The following ANXA8 variants were observed in gnomAD, a reference collection of about 807,000 sequenced individuals.
The protein encoded by ANXA8 is annexin A8.
A neutral mutation model predicts 26.8 loss-of-function variants in ANXA8; 9 were observed. The ratio of observed to expected loss-of-function variants is 0.34; its 90% CI spans 0.20 to 0.59. The LOEUF is 0.59. ANXA8 is among the 20% of genes least tolerant of loss of function. The probability of loss-of-function intolerance (pLI) is 0.84; values close to 1 mark genes in which losing one functional copy is unlikely to be tolerated. For synonymous variants in ANXA8, 39 were observed against 94.8 expected (o/e 0.41, Z 3.42); for missense variants, 83 against 238.5 (o/e 0.35, Z 4.29).
chr10:47,557,008 T>C, the ANXA8 span, among the ~76,000 whole-genome samples: 3 of 132,984 alleles, frequency 2.3e-5, no homozygotes, highest in East Asian at 2.3e-4. Context: ...TCTTTCTTTT[T>C]TTTTTTTTTT....
chr10:47,694,076 ATC>A, the ANXA8 span, among the ~76,000 whole-genome samples: 1 of 151,608 alleles, frequency 6.6e-6, no homozygotes, highest in Non-Finnish European at 1.5e-5. Flanking sequence ...CAACTCTGCA[ATC>A]TCTGTATTTT....
At chr10:47,476,470 T>C in intron 4 of ANXA8, 148 bp from the exon 5 acceptor site, 1 of 1,278,984 alleles carries the variant, frequency 7.8e-7, no homozygotes, top group Admixed American at 2.3e-5. Flanking sequence ...GAAAATCACA[T>C]GCTTCAGTGA....
At chr10:47,969,891 C>G in the ANXA8 span, among the ~76,000 whole-genome samples, 6 of 151,318 alleles carry the variant, frequency 4.0e-5, no homozygotes, top group African/African-American at 1.4e-4. Context: ...TCTCATGAAC[C>G]TTGTCTTCCA....
the ANXA8 span, among the ~76,000 whole-genome samples, chr10:47,529,136 G>T: frequency 6.9e-6 from 1 of 144,454 alleles, no homozygotes; most frequent in South Asian, 2.2e-4. Flanking sequence ...AAAGATTAGG[G>T]ATGTTTCAGC....
At chr10:47,771,583 TG>T in the ANXA8 span, among the ~76,000 whole-genome samples, 1 of 151,642 alleles carries the variant, frequency 6.6e-6, no homozygotes, top group South Asian at 2.1e-4. Context: ...TTTTTGTTGT[TG>T]TTGTTGTTGT....
At chr10:47,959,254 G>GT in the ANXA8 span, among the ~76,000 whole-genome samples, 5 of 147,212 alleles carry the variant, frequency 3.4e-5, no homozygotes, top group Non-Finnish European at 7.4e-5. Context: ...CTTAATGCTG[G>GT]TTGCATGACC....
At chr10:47,500,900 AT>A in the ANXA8 span, among the ~76,000 whole-genome samples, 11 of 109,094 alleles carry the variant, frequency 1.0e-4, no homozygotes, top group South Asian at 6.5e-4. Flanking sequence ...CGCCCAGCTA[AT>A]TTTTTTTTTT....
At chr10:47,750,233 G>A in the ANXA8 span, among the ~76,000 whole-genome samples, 1 of 150,692 alleles carries the variant, frequency 6.6e-6, no homozygotes, top group South Asian at 2.1e-4. Flanking sequence ...CACAACTGCA[G>A]AATGCACATT....
At chr10:47,939,303 C>CA in the ANXA8 span, among the ~76,000 whole-genome samples, 32,655 of 81,044 alleles carry the variant, frequency 0.4, 6,409 homozygotes, top group Non-Finnish European at 0.47. Context: ...AACTCTGTCT[C>CA]AAAAAAAAAA....
chr10:47,733,199 T>TTCTCTCTCTCTCTCTC, the ANXA8 span, among the ~76,000 whole-genome samples: 1 of 112,472 alleles, frequency 8.9e-6, no homozygotes, highest in African/African-American at 3.2e-5. Context: ...CTTTCTTTCT[T>TTCTCTCTCTCTCTCTC]TCTTTCTTTC....
chr10:47,637,394 A>G, the ANXA8 span, among the ~76,000 whole-genome samples: 1 of 150,038 alleles, frequency 6.7e-6, no homozygotes, highest in Non-Finnish European at 1.5e-5. Flanking sequence ...CTGCACTAAC[A>G]AATGGCAGCC....
chr10:47,977,433 T>A, the ANXA8 span, among the ~76,000 whole-genome samples: 1 of 151,130 alleles, frequency 6.6e-6, no homozygotes, highest in African/African-American at 2.4e-5. Context: ...ATGTGTGACC[T>A]ATTCACAGGG....
In ANXA8 at chr10:47,468,832, T is replaced by G; in HGVS notation, c.*15A>C. ...GACTCTGGCTTCATGGTCTTTGCTC[T>G]TGTTCTTCTGTGCCTCAGGGGTCGC... On this transcript the variant is annotated 3_prime_UTR_variant, in exon 12 of 12. Coordinates refer to ENST00000585281, the MANE Select transcript of ANXA8 (RefSeq NM_001040084.3). 1 of 1,609,988 alleles carries G rather than the reference T, an allele frequency of 6.2e-7. No individual in the cohort carries two copies.
At chr10:47,633,807 C>T in the ANXA8 span, among the ~76,000 whole-genome samples, 2 of 150,278 alleles carry the variant, frequency 1.3e-5, no homozygotes, top group Non-Finnish European at 2.9e-5. Flanking sequence ...GATCCTACCC[C>T]CTGACATCCC....
At chr10:47,755,244 C>T in the ANXA8 span, among the ~76,000 whole-genome samples, 5 of 151,160 alleles carry the variant, frequency 3.3e-5, no homozygotes, top group South Asian at 2.1e-4. Context: ...CGTGAGCCAC[C>T]GCACCCAGCC....
At chr10:47,730,673 A>G in the ANXA8 span, among the ~76,000 whole-genome samples, 6 of 150,204 alleles carry the variant, frequency 4.0e-5, no homozygotes, top group African/African-American at 7.3e-5. Flanking sequence ...CTACCAGTCA[A>G]GGCAATATGT....
At chr10:47,655,806 AG>A in the ANXA8 span, among the ~76,000 whole-genome samples, 1 of 151,788 alleles carries the variant, frequency 6.6e-6, no homozygotes, top group Non-Finnish European at 1.5e-5. Context: ...AGATCACCTG[AG>A]GTCGGGAGTT....
chr10:47,679,754 C>CA, the ANXA8 span, among the ~76,000 whole-genome samples: 922 of 151,244 alleles, frequency 6.1e-3, no homozygotes, highest in African/African-American at 0.02. Context: ...CCCTGTCTCT[C>CA]AAAAAAAAGT....
chr10:47,492,348 T>C, the ANXA8 span, among the ~76,000 whole-genome samples: 2 of 147,510 alleles, frequency 1.4e-5, no homozygotes, highest in Non-Finnish European at 3.0e-5. Context: ...CCCAAGAGGC[T>C]CTGTGAGGTC....
Sources: allele counts gnomAD v4.1 joint callset (sites outside exome capture counted in the v4.1 genomes callset), GRCh38; gene constraint gnomAD v4.1.1; transcripts MANE v1.5; gene names NCBI Gene and HGNC (gene_info 2026-07-23, HGNC 2026-07-21).